SLIT1: variants seen among roughly 807,000 people sequenced by gnomAD.
SLIT1 encodes the protein slit homolog 1 protein.
Under a neutral mutation model 186.1 loss-of-function variants are expected in SLIT1, and 66 were observed. That is an observed-to-expected ratio of 0.35 (90% confidence interval 0.29 to 0.44). SLIT1 has a LOEUF of 0.44. SLIT1 is among the 20% of genes least tolerant of loss of function. The pLI is 1.00. For missense variants in SLIT1, 1,638 were observed against 2,037.4 expected (o/e 0.80, Z 3.77); for synonymous variants, 761 against 833.8 (o/e 0.91, Z 1.50).
chr10:97,016,518 C>T (rs60222325), intron 28 of SLIT1, among the ~76,000 whole-genome samples: 6,507 of 152,152 alleles, frequency 0.043, 475 homozygotes, highest in African/African-American at 0.15. Context: ...TCCTCAGCCT[C>T]CTGAGAAGCT....
rs1036919713 is a variant in SLIT1 at position 97,000,768 on chromosome 10, T to C, written c.*344A>G. On this transcript the variant is annotated 3_prime_UTR_variant, in exon 37 of 37. Transcript: ENST00000266058. The stretch of plus-strand genomic sequence containing the variant: ...GTTTGGAAGGCTGTCATTTTTCTTC[T>C]CCAGATTCAGATAGCAGGTAAGGAG... 4 of 234,970 alleles carry C rather than the reference T, an allele frequency of 1.7e-5. No homozygotes were observed. The highest frequency in any genetic ancestry group is 3.3e-5 in the Non-Finnish European group (4 of 121,212). 14.6% of individuals were successfully genotyped at this position (234,970 alleles called of 1,614,324 possible). A position where few individuals can be genotyped will look rare whatever the true frequency, so the allele number is the denominator to read the frequency against.
At chr10:97,056,839 T>A (rs1461762278) in intron 12 of SLIT1, among the ~76,000 whole-genome samples, 1 of 152,208 alleles carries the variant, frequency 6.6e-6, no homozygotes. Flanking sequence ...GTTCTATGCC[T>A]CTTGAGCCCT....
intron 13 of SLIT1, among the ~76,000 whole-genome samples, chr10:97,051,128 T>G (rs1848782820): frequency 6.6e-6 from 1 of 152,202 alleles, no homozygotes; most frequent in Admixed American, 6.5e-5. Flanking sequence ...TCTTTGTAGA[T>G]GTATGCATTA....
chr10:97,111,062 C>T (rs959256762), intron 4 of SLIT1, among the ~76,000 whole-genome samples: 2 of 151,970 alleles, frequency 1.3e-5, no homozygotes, highest in African/African-American at 4.8e-5. Context: ...TGGTGGCAGG[C>T]ACCTGTAATC....
intron 4 of SLIT1, among the ~76,000 whole-genome samples, chr10:97,079,684 G>A (rs561717636): frequency 1.4e-4 from 22 of 152,364 alleles, no homozygotes; most frequent in African/African-American, 5.3e-4. Context: ...CAACAGTGAG[G>A]AGGGACTGGG....
chr10:97,005,942 C>A (rs935694845), intron 32 of SLIT1, among the ~76,000 whole-genome samples: 1 of 152,174 alleles, frequency 6.6e-6, no homozygotes, highest in Non-Finnish European at 1.5e-5. Context: ...ATAAACCACT[C>A]TCCTCTCCAT....
chr10:97,174,769 T>A (rs1386920019), intron 1 of SLIT1, among the ~76,000 whole-genome samples: 3 of 151,818 alleles, frequency 2.0e-5, no homozygotes, highest in African/African-American at 7.3e-5. Context: ...GCCTAAAGAG[T>A]TTAAATGACC....
intron 4 of SLIT1, among the ~76,000 whole-genome samples, chr10:97,128,326 G>C (rs1055555230): frequency 5.3e-5 from 8 of 152,138 alleles, no homozygotes; most frequent in Non-Finnish European, 1.2e-4. Context: ...CATAAAGATG[G>C]GCCCAGCAGG....
chr10:97,033,958 A>G (rs148209889), intron 23 of SLIT1, among the ~76,000 whole-genome samples: 2,580 of 146,828 alleles, frequency 0.018, 71 homozygotes, highest in African/African-American at 0.056. Flanking sequence ...TCCACCTCCC[A>G]GGTTCACGCG....
At chr10:97,111,710 G>A (rs1231780689) in intron 4 of SLIT1, among the ~76,000 whole-genome samples, 2 of 152,092 alleles carry the variant, frequency 1.3e-5, no homozygotes, top group African/African-American at 2.4e-5. Context: ...AGACAAACAG[G>A]GCTTTTGCTG....
intron 26 of SLIT1, among the ~76,000 whole-genome samples, chr10:97,020,048 C>T (rs1364506022): frequency 1.3e-5 from 2 of 151,884 alleles, no homozygotes; most frequent in African/African-American, 4.8e-5. Flanking sequence ...ACACATGGCT[C>T]ACTGCAGCTT....
At chr10:97,092,793 C>T (rs1313853449) in intron 4 of SLIT1, among the ~76,000 whole-genome samples, 1 of 152,318 alleles carries the variant, frequency 6.6e-6, no homozygotes, top group Admixed American at 6.5e-5. Flanking sequence ...AGGGCAAGAC[C>T]CAAAAATGAT....
chr10:97,086,964 G>A (rs545382971), intron 4 of SLIT1, among the ~76,000 whole-genome samples: 9 of 152,250 alleles, frequency 5.9e-5, no homozygotes, highest in African/African-American at 1.9e-4. Flanking sequence ...TACGGCTCTG[G>A]TGGGGGATGT....
At chr10:97,122,814 G>A (rs189312151) in intron 4 of SLIT1, among the ~76,000 whole-genome samples, 35 of 152,056 alleles carry the variant, frequency 2.3e-4, no homozygotes, top group African/African-American at 4.8e-4. Context: ...TAGAAAGTCC[G>A]TCCTAGAGCT....
intron 1 of SLIT1, among the ~76,000 whole-genome samples, chr10:97,181,419 G>A (rs1239440832): frequency 6.6e-6 from 1 of 152,204 alleles, no homozygotes; most frequent in East Asian, 1.9e-4. Context: ...TTCCTTATGC[G>A]TGACCACTCA....
At chr10:97,067,558 TG>T (rs533145748) in intron 4 of SLIT1, among the ~76,000 whole-genome samples, 35 of 152,302 alleles carry the variant, frequency 2.3e-4, no homozygotes, top group Non-Finnish European at 4.3e-4. Flanking sequence ...TGGTGGGTGG[TG>T]GCTCCAGAAT....
chr10:97,160,449 AT>A (rs1850010973), intron 3 of SLIT1, among the ~76,000 whole-genome samples: 1 of 152,180 alleles, frequency 6.6e-6, no homozygotes, highest in Admixed American at 6.6e-5. Flanking sequence ...GGTGGGTGTC[AT>A]TTTAAAAATC....
chr10:97,138,894 T>C (rs1849730384), intron 4 of SLIT1, among the ~76,000 whole-genome samples: 1 of 152,232 alleles, frequency 6.6e-6, no homozygotes, highest in Non-Finnish European at 1.5e-5. Context: ...AAAGCCAGGC[T>C]GCCAACCAGC....
In SLIT1 at chr10:97,021,544, T is replaced by A; in HGVS notation, c.2583-131A>T. 1 of 728,670 alleles carries A rather than the reference T, an allele frequency of 1.4e-6. No homozygotes were observed. The highest frequency in any genetic ancestry group is 2.2e-6 in the Non-Finnish European group (1 of 457,286). The allele number at this position is 728,670 out of a possible 1,614,324, so 45.1% of individuals were successfully genotyped here. ...GCCTCCATTTCATGAGCATTTACTG[T>A]ATAGTCAGTGCTGCTTTTTTTTTTT... is the stretch of plus-strand genomic sequence containing the variant. On this transcript the variant is annotated intron_variant, in intron 25 of 36. Transcript: ENST00000266058. This position sits in a 1 kb window ranked among gnomAD's most constrained non-coding sequence, Gnocchi z 4.5.
Sources: gnomAD v4.1 joint callset for allele counts (sites outside exome capture counted in the v4.1 genomes callset) on GRCh38, gnomAD v4.1.1 for gene constraint, Gnocchi (gnomAD v3.1) non-coding constraint, MANE v1.5 for transcripts, NCBI Gene and HGNC (gene_info 2026-07-23, HGNC 2026-07-21) for gene names.